The following ZYG11B variants were observed in gnomAD, a reference collection of about 807,000 sequenced individuals.
The protein encoded by ZYG11B is protein zyg-11 homolog B.
In ZYG11B, 36 loss-of-function variants were observed where a neutral mutation model predicts 82.4. The observed-to-expected ratio is 0.44, with a 90% CI of 0.33 to 0.58. The LOEUF (loss-of-function observed/expected upper bound fraction) is 0.58. Ranked by LOEUF, ZYG11B falls within the 20% of genes least tolerant of loss-of-function variation. The pLI is 0.02. For synonymous variants in ZYG11B, 303 were observed against 312.8 expected (o/e 0.97, Z 0.33); for missense variants, 552 against 895.6 (o/e 0.62, Z 4.90).
chr1:52,759,644 T>C (rs991688098), intron 2 of ZYG11B, among the ~76,000 whole-genome samples: 1 of 152,190 alleles, frequency 6.6e-6, no homozygotes, highest in Non-Finnish European at 1.5e-5. Context: ...TTATTTAATC[T>C]CTTTATACAA....
At chr1:52,804,296 T>C (rs1645122868) in intron 10 of ZYG11B, among the ~76,000 whole-genome samples, 1 of 151,950 alleles carries the variant, frequency 6.6e-6, no homozygotes, top group Non-Finnish European at 1.5e-5. Flanking sequence ...CTGTGTTTGA[T>C]AGTTAATGAT....
At chr1:52,775,325 C>T (rs1234091656) in intron 3 of ZYG11B, among the ~76,000 whole-genome samples, 1 of 152,130 alleles carries the variant, frequency 6.6e-6, no homozygotes, top group East Asian at 1.9e-4. Flanking sequence ...GGCGTGGTGG[C>T]TCATGCCTTT....
intron 10 of ZYG11B, among the ~76,000 whole-genome samples, chr1:52,805,982 G>A (rs925105420): frequency 4.6e-5 from 7 of 151,692 alleles, no homozygotes; most frequent in Non-Finnish European, 7.4e-5. Flanking sequence ...CCAACCTTTC[G>A]TCATTTTTAT....
chr1:52,791,621 G>T (rs1391139294), intron 6 of ZYG11B, among the ~76,000 whole-genome samples: 1 of 151,698 alleles, frequency 6.6e-6, no homozygotes, highest in Non-Finnish European at 1.5e-5. Flanking sequence ...CACCCACCTC[G>T]GCCTCCCAAA....
At chr1:52,783,192 G>T (rs1231619158) in intron 4 of ZYG11B, among the ~76,000 whole-genome samples, 1 of 151,996 alleles carries the variant, frequency 6.6e-6, no homozygotes, top group East Asian at 1.9e-4. Flanking sequence ...CTCCCAAAGT[G>T]CTGGGATTAC....
intron 1 of ZYG11B, among the ~76,000 whole-genome samples, chr1:52,750,395 G>A (rs1279650476): frequency 2.0e-5 from 3 of 151,760 alleles, no homozygotes; most frequent in African/African-American, 7.3e-5. Flanking sequence ...GCCTCAGCCT[G>A]CTGAATAGCT....
chr1:52,765,087 A>C (rs912932721), intron 2 of ZYG11B, among the ~76,000 whole-genome samples: 2 of 150,938 alleles, frequency 1.3e-5, no homozygotes, highest in Non-Finnish European at 2.9e-5. Context: ...GAGTCGCACT[A>C]TGTTGGCCAG....
chr1:52,808,542 T>G (rs1205922040), intron 10 of ZYG11B, among the ~76,000 whole-genome samples: 1 of 152,174 alleles, frequency 6.6e-6, no homozygotes, highest in Non-Finnish European at 1.5e-5. Flanking sequence ...TTTTAAAATA[T>G]TTTTGTACAG....
Position 52,824,457 on chromosome 1 carries a change from G to A in ZYG11B, c.*2828G>A, listed in dbSNP as rs1165590449. The A allele has an allele frequency of 6.6e-6, 1 of 152,098 alleles. No individual in the cohort carries two copies. The highest frequency in any genetic ancestry group is 1.5e-5 in the Non-Finnish European group (1 of 68,074). The allele number at this position is 152,098 out of a possible 1,614,324, so 9.4% of individuals were successfully genotyped here. A position where few individuals can be genotyped will look rare whatever the true frequency, so the allele number is the denominator to read the frequency against. ...AGTTCAAGACCAGCCTGGCCCAAAT[G>A]GTGAAACCCTGTCTCTACTAAATAT... On this transcript the variant is annotated 3_prime_UTR_variant, in exon 14 of 14. Transcript: ENST00000294353.
chr1:52,765,292 TC>T (rs1378527547), intron 2 of ZYG11B, among the ~76,000 whole-genome samples: 3 of 151,936 alleles, frequency 2.0e-5, no homozygotes, highest in Admixed American at 2.0e-4. Context: ...AGCCTTGAAC[TC>T]CTGGACTCAA....
intron 13 of ZYG11B, among the ~76,000 whole-genome samples, chr1:52,817,304 C>G (rs1230543312): frequency 6.6e-6 from 1 of 152,108 alleles, no homozygotes; most frequent in African/African-American, 2.4e-5. Context: ...TTCTGTTGTT[C>G]AAGATGTCGC....
intron 1 of ZYG11B, among the ~76,000 whole-genome samples, chr1:52,737,221 C>T (rs1644385298): frequency 6.6e-6 from 1 of 152,144 alleles, no homozygotes; most frequent in Non-Finnish European, 1.5e-5. Context: ...TCCCTTTATG[C>T]CCTACCTCCT....
At chr1:52,783,898 G>GTGTGTGTATGTACATACACGTC (rs1571776237) in intron 4 of ZYG11B, among the ~76,000 whole-genome samples, 1 of 98,706 alleles carries the variant, frequency 1.0e-5, no homozygotes, top group Admixed American at 9.3e-5. Context: ...ACATACACGT[G>GTGTGTGTATGTACATACACGTC]TGTGTATATA....
At chr1:52,812,979 AC>A (rs1645196362) in intron 10 of ZYG11B, among the ~76,000 whole-genome samples, 1 of 151,994 alleles carries the variant, frequency 6.6e-6, no homozygotes, top group Non-Finnish European at 1.5e-5. Context: ...GAGCCACCAC[AC>A]CCAGCCCTAT....
chr1:52,771,826 C>T lies in ZYG11B; in HGVS notation c.951+52C>T. On this transcript the variant is annotated intron_variant, in intron 3 of 13. Transcript: ENST00000294353. The surrounding 1 kb of genome is among the most constrained non-coding windows in gnomAD (Gnocchi z 5.4). ...GTCAGGCTGACCAATATCTTAGTTG[C>T]ATAAGACTCTATTAAAGATGAATGT... The T allele has an allele frequency of 6.5e-7, 1 of 1,538,860 alleles. No individual in the cohort carries two copies. The highest frequency in any genetic ancestry group is 8.8e-7 in the Non-Finnish European group (1 of 1,140,882).
At chr1:52,726,757 G>T in intron 1 of ZYG11B, 74 bp downstream of exon 1, 4 of 1,373,758 alleles carry the variant, frequency 2.9e-6, no homozygotes, top group Non-Finnish European at 2.8e-6. Context: ...GGCCCCTGCG[G>T]TCTTGCCCCT....
intron 4 of ZYG11B, among the ~76,000 whole-genome samples, chr1:52,783,050 C>G (rs1458167193): frequency 6.6e-6 from 1 of 151,890 alleles, no homozygotes; most frequent in Non-Finnish European, 1.5e-5. Flanking sequence ...CCTCAGCCTC[C>G]CGAGTAGCTG....
At chr1:52,797,423 C>T (rs34976620) in intron 8 of ZYG11B, among the ~76,000 whole-genome samples, 50,462 of 91,538 alleles carry the variant, frequency 0.55, 12,186 homozygotes, top group East Asian at 0.73. Context: ...ATATATTATA[C>T]ATATTATATA....
At chr1:52,770,634 G>A (rs552396535) in intron 2 of ZYG11B, among the ~76,000 whole-genome samples, 1 of 152,282 alleles carries the variant, frequency 6.6e-6, no homozygotes, top group South Asian at 2.1e-4. Context: ...GGAAAAGACA[G>A]CATGGAAAAT....
Sources: gnomAD v4.1 joint callset for allele counts (sites outside exome capture counted in the v4.1 genomes callset) on GRCh38, gnomAD v4.1.1 for gene constraint, Gnocchi (gnomAD v3.1) non-coding constraint, MANE v1.5 for transcripts, NCBI Gene and HGNC (gene_info 2026-07-23, HGNC 2026-07-21) for gene names.